The following SBK1 variants were observed in gnomAD, a reference collection of about 807,000 sequenced individuals.
The protein encoded by SBK1 is serine/threonine-protein kinase SBK1.
Under a neutral mutation model 24.4 loss-of-function variants are expected in SBK1, and 11 were observed. The ratio of observed to expected loss-of-function variants is 0.45; its 90% CI spans 0.28 to 0.75. The LOEUF is 0.75. SBK1 is among the 30% of genes least tolerant of loss of function. The pLI is 0.12. For missense variants in SBK1, 467 were observed against 620.5 expected, an observed-to-expected ratio of 0.75 and a Z score of 2.63; for synonymous variants, 308 against 284.4, an observed-to-expected ratio of 1.08 and a Z score of -0.83.
At chr16:28,302,354 A>G (rs1016709417) in intron 1 of SBK1, among the ~76,000 whole-genome samples, 1 of 152,240 alleles carries the variant, frequency 6.6e-6, no homozygotes, top group Non-Finnish European at 1.5e-5. Flanking sequence ...GCACTGGAGT[A>G]AACAAAGGTG....
intron 1 of SBK1, among the ~76,000 whole-genome samples, chr16:28,276,044 C>A (rs958622329): frequency 3.3e-5 from 5 of 152,096 alleles, no homozygotes; most frequent in Non-Finnish European, 7.4e-5. Flanking sequence ...GCCACTGAAG[C>A]GGATGGAAGA....
intron 1 of SBK1, among the ~76,000 whole-genome samples, chr16:28,275,464 G>T (rs1372349169): frequency 6.6e-6 from 1 of 152,182 alleles, no homozygotes; most frequent in Admixed American, 6.6e-5. Flanking sequence ...CTGGGAAGTT[G>T]CAGAGCAGAG....
rs2044834445 is a variant in SBK1 at position 28,320,702 on chromosome 16, G to A, written c.1056G>A (p.Lys352=). ...PLRLEAPGPL[K]RTVLTESGSG... Reference sequence around the variant, plus strand: ...GCCTCGAGGCGCCTGGGCCGCTCAAGCGGACGGTGCTGACCGAGAGCGGCA... The same window carrying A: ...GCCTCGAGGCGCCTGGGCCGCTCAAACGGACGGTGCTGACCGAGAGCGGCA... The change falls in exon 4 of 4, where the codon AAG becomes AAA. Residue 352 remains lysine, a synonymous_variant. Transcript: ENST00000341901. This position sits in a 1 kb window ranked among gnomAD's most constrained non-coding sequence, Gnocchi z 8.5. 9.0e-7 allele frequency: 1 copy of A among 1,106,592 alleles called. No individual in the cohort carries two copies. The highest frequency in any genetic ancestry group is 1.1e-6 in the Non-Finnish European group (1 of 906,092). 68.5% of individuals were successfully genotyped at this position (1,106,592 alleles called of 1,614,324 possible).
chr16:28,311,419 T>C (rs990088398), intron 1 of SBK1, among the ~76,000 whole-genome samples: 5 of 151,808 alleles, frequency 3.3e-5, no homozygotes, highest in African/African-American at 9.7e-5. Flanking sequence ...ATTGAGGAGA[T>C]AGAATAGAGG....
intron 1 of SBK1, among the ~76,000 whole-genome samples, chr16:28,295,719 G>T (rs2088878998): frequency 6.6e-6 from 1 of 152,032 alleles, no homozygotes; most frequent in Non-Finnish European, 1.5e-5. Flanking sequence ...GTCGGGGGGA[G>T]GCAATTTCAC....
intron 1 of SBK1, among the ~76,000 whole-genome samples, chr16:28,308,763 GTGTGTGTGTGTGTGTGTT>G (rs2044734118): frequency 1.3e-5 from 2 of 149,566 alleles, no homozygotes; most frequent in African/African-American, 5.0e-5. Context: ...GTGTGTGTGT[GTGTGTGTGTGTGTGTGTT>G]TGTTTTGTTT....
At chr16:28,285,922 A>C (rs2044563065) in intron 1 of SBK1, 1 of 152,280 alleles carries the variant, frequency 6.6e-6, no homozygotes, top group Non-Finnish European at 1.5e-5. Flanking sequence ...GTCACAAAGA[A>C]GCAGGTTCTT....
rs2044429112 is a variant in SBK1, at chr16:28,266,506, T to C, written c.257+7004T>C. Among the ~76,000 whole-genome samples the C allele has an allele frequency of 2.6e-5, 4 of 152,270 alleles. No homozygotes were observed. In the Middle Eastern group the frequency reaches 0.01, roughly 388 times the overall value. ...CTAAACAAGTTAATTCTTACGGTTTTATATGTCAAAACTGACACAGATCTC... is the reference window on the plus strand; with the variant it reads ...CTAAACAAGTTAATTCTTACGGTTTCATATGTCAAAACTGACACAGATCTC... On this transcript the variant is annotated intron_variant, in intron 1 of 3. Coordinates refer to the SBK1 transcript ENST00000671413.
At chr16:28,290,030 G>A (rs1263500517), upstream of SBK1, among the ~76,000 whole-genome samples, 1 of 151,008 alleles carries the variant, frequency 6.6e-6, no homozygotes, top group Non-Finnish European at 1.5e-5. Flanking sequence ...AGGCTGTAGT[G>A]AGCCATGATT....
At chr16:28,316,562 C>A (rs915368828) in intron 1 of SBK1, among the ~76,000 whole-genome samples, 4 of 151,728 alleles carry the variant, frequency 2.6e-5, no homozygotes, top group Non-Finnish European at 5.9e-5. Flanking sequence ...GCCAGGAGTT[C>A]TAGACCAGCC....
At chr16:28,295,920 C>CTTTTT (rs923306681) in intron 1 of SBK1, among the ~76,000 whole-genome samples, 8 of 108,026 alleles carry the variant, frequency 7.4e-5, no homozygotes, top group Admixed American at 1.9e-4. Context: ...CCAGAAAAAT[C>CTTTTT]TTTTTTTTTT....
chr16:28,262,239 G>A (rs1013697931), intron 1 of SBK1, among the ~76,000 whole-genome samples: 3 of 151,914 alleles, frequency 2.0e-5, no homozygotes, highest in Admixed American at 6.6e-5. Flanking sequence ...AGCCAACCCC[G>A]CCCCGCCTCT....
At chr16:28,278,726 A>G (rs1255961541) in intron 1 of SBK1, among the ~76,000 whole-genome samples, 2 of 152,156 alleles carry the variant, frequency 1.3e-5, no homozygotes, top group Non-Finnish European at 2.9e-5. Flanking sequence ...CATACCAGGC[A>G]TGATCACACT....
At chr16:28,302,969 G>C (rs556613475) in intron 1 of SBK1, among the ~76,000 whole-genome samples, 159 of 149,908 alleles carry the variant, frequency 1.1e-3, no homozygotes, top group African/African-American at 3.7e-3. Context: ...CATGGGGGGG[G>C]GTCAGGAGTG....
At chr16:28,309,793 G>A (rs886297400) in intron 1 of SBK1, among the ~76,000 whole-genome samples, 1 of 152,198 alleles carries the variant, frequency 6.6e-6, no homozygotes, top group Non-Finnish European at 1.5e-5. Flanking sequence ...AGGACTCAAT[G>A]AATGAAATTT....
chr16:28,263,947 A>G (rs1202415828), intron 1 of SBK1, among the ~76,000 whole-genome samples: 1 of 152,070 alleles, frequency 6.6e-6, no homozygotes, highest in Non-Finnish European at 1.5e-5. Context: ...CAACATAATG[A>G]GATCCTATCC....
chr16:28,320,840 GCC>G lies in SBK1; in HGVS notation c.1199_1200del (p.Pro400ArgfsTer49). 1 of 1,467,342 alleles carries G rather than the reference GCC, an allele frequency of 6.8e-7. No individual in the cohort carries two copies. Among genetic ancestry groups the G allele is most frequent in the Non-Finnish European group, 9.0e-7 (1 of 1,110,248 alleles). The allele number at this position is 1,467,342 out of a possible 1,614,324, so 90.9% of individuals were successfully genotyped here. A position where few individuals can be genotyped will look rare whatever the true frequency, so the allele number is the denominator to read the frequency against. On this transcript the variant is annotated frameshift_variant, in exon 4 of 4. Transcript: ENST00000341901. LOFTEE classifies it high-confidence loss of function. The surrounding 1 kb of genome is among the most constrained non-coding windows in gnomAD (Gnocchi z 8.5). ...CCGAGCCCGGCCTAGCTCCCCAGGG[GCC>G]CCCCGGCCGGACCGACGGCCGCGCG... ...VPEPGLAPQG[P>X]PGRTDGRADK...
chr16:28,305,547 T>G lies in SBK1; in HGVS notation c.-7-11838T>G, dbSNP rs146501974. Among the ~76,000 whole-genome samples, 599 of 150,904 alleles carry G rather than the reference T, an allele frequency of 4.0e-3. 3 individuals carry two copies. Among genetic ancestry groups the G allele is most frequent in the African/African-American group, 0.012 (493 of 41,108 alleles). On this transcript the variant is annotated intron_variant, in intron 1 of 3. Transcript: ENST00000341901. ...TCTCTTTCTTTGTTTCTTTTTTTTT[T>G]TTTTTAGAGAGACTTTCTCTGTCGT...
chr16:28,303,709 G>T (rs2044696222), intron 1 of SBK1, among the ~76,000 whole-genome samples: 1 of 151,558 alleles, frequency 6.6e-6, no homozygotes, highest in South Asian at 2.1e-4. Context: ...GTAGAGATGG[G>T]ATTTCACCAT....
Sources: allele counts gnomAD v4.1 joint callset (sites outside exome capture counted in the v4.1 genomes callset), GRCh38; gene constraint gnomAD v4.1.1; non-coding constraint Gnocchi (gnomAD v3.1); transcripts MANE v1.5; gene names NCBI Gene and HGNC (gene_info 2026-07-23, HGNC 2026-07-21).